Variants in ZNF738 observed in about 807,000 individuals in gnomAD.
The protein encoded by ZNF738 is protein ZNF738.
ZNF738 carries 10 observed loss-of-function variants against 9.2 expected under a neutral mutation model. The observed-to-expected ratio is 1.09, with a 90% CI of 0.67 to 1.85. The LOEUF (loss-of-function observed/expected upper bound fraction) is 1.85, where lower values mean the gene tolerates loss of function less well. Ranked by LOEUF, ZNF738 falls within the 40% of genes most tolerant of loss-of-function variation. The probability of loss-of-function intolerance (pLI) is 0.00; values close to 1 mark genes in which losing one functional copy is unlikely to be tolerated. For synonymous variants in ZNF738, 113 were observed against 94.5 expected, an observed-to-expected ratio of 1.20 and a Z score of -1.14; for missense variants, 346 against 283.6, an observed-to-expected ratio of 1.22 and a Z score of -1.58.
In ZNF738 at chr19:21,387,829, G is replaced by A. The variant is rs1042732956; in HGVS notation, c.*4155G>A. ...AATCAAATTTTATTGTACACATTTT[G>A]TACTAGAGGAAAACTCTGAAGCAGT... is the stretch of plus-strand genomic sequence containing the variant. On this transcript the variant is annotated 3_prime_UTR_variant, in exon 5 of 5. Transcript: ENST00000683779. Among the ~76,000 whole-genome samples, 2 of 152,112 alleles carry A rather than the reference G, an allele frequency of 1.3e-5. No homozygotes were observed. Among genetic ancestry groups the A allele is most frequent in the African/African-American group, 4.8e-5 (2 of 41,428 alleles).
intron 2 of ZNF738, among the ~76,000 whole-genome samples, chr19:21,367,208 C>T (rs1973794559): frequency 6.6e-6 from 1 of 152,198 alleles, no homozygotes; most frequent in African/African-American, 2.4e-5. Context: ...CATCTTTCTA[C>T]ATCTTTTTTT....
At position 21,375,911 on chromosome 19, in the gene ZNF738, A is replaced by G; in HGVS notation, c.266A>G (p.Gln89Arg). ...SKPDLITCLE[Q>R]GKDPWNMKRH... Reference sequence around the variant, plus strand: ...CCAGATCTGATCACCTGTCTGGAGCAAGGAAAAGATCCCTGGAATATGAAG... The same window carrying G: ...CCAGATCTGATCACCTGTCTGGAGCGAGGAAAAGATCCCTGGAATATGAAG... The change falls in exon 4 of 5, where the codon CAA becomes CGA. Residue 89 changes from glutamine (Q) to arginine (R), a missense_variant. Physicochemically the swap from Gln to Arg is conservative, Grantham distance 43. Transcript: ENST00000683779. The G allele has an allele frequency of 1.3e-6, 1 of 798,614 alleles. No homozygotes were observed. Among genetic ancestry groups the G allele is most frequent in the Non-Finnish European group, 2.3e-6 (1 of 436,412 alleles). The allele number at this position is 798,614 out of a possible 1,614,324, so 49.5% of individuals were successfully genotyped here.
Position 21,388,304 on chromosome 19 carries a change from A to G in ZNF738, c.*4630A>G, listed in dbSNP as rs1217362323. On this transcript the variant is annotated 3_prime_UTR_variant, in exon 5 of 5. Coordinates refer to ENST00000683779, the MANE Select transcript of ZNF738 (RefSeq NM_001355237.2). ...TTCATTCTTATTCACTTGTGAAAGC[A>G]TGTGATAATTGTTGCATCAAAGGTA... 6.6e-6 allele frequency among the ~76,000 whole-genome samples: 1 copy of G among 152,152 alleles called. No individual in the cohort carries two copies. Among genetic ancestry groups the G allele is most frequent in the Non-Finnish European group, 1.5e-5 (1 of 68,002 alleles).
intron 2 of ZNF738, among the ~76,000 whole-genome samples, chr19:21,370,673 T>C (rs1311908724): frequency 6.6e-6 from 1 of 152,226 alleles, no homozygotes; most frequent in East Asian, 1.9e-4. Context: ...AAGTCTCTAC[T>C]TATATTCATG....
At position 21,368,067 on chromosome 19, in the gene ZNF738, T is replaced by C. The variant is rs150415641; in HGVS notation, c.96+6209T>C. ...CAGAACAAACAGTTCTTTCCAGTTA[T>C]ATTGCACTCTTCTGCACGCATGGGT... On this transcript the variant is annotated intron_variant, in intron 2 of 4. Transcript: ENST00000683779. Among the ~76,000 whole-genome samples, 222 of 152,364 alleles carry C rather than the reference T, an allele frequency of 1.5e-3. 3 individuals are homozygous for C. In the East Asian group the frequency reaches 0.029, roughly 20 times the overall value.
intron 2 of ZNF738, among the ~76,000 whole-genome samples, chr19:21,368,228 T>C (rs1338604827): frequency 6.6e-6 from 1 of 152,248 alleles, no homozygotes; most frequent in Non-Finnish European, 1.5e-5. Context: ...TATTTTTTTC[T>C]GATCCTCTTT....
At chr19:21,359,746 G>A (rs1315901373) in intron 1 of ZNF738, among the ~76,000 whole-genome samples, 2 of 151,796 alleles carry the variant, frequency 1.3e-5, no homozygotes, top group African/African-American at 4.8e-5. Flanking sequence ...GCGTGGTGGC[G>A]GGCGCCTGTA....
intron 2 of ZNF738, among the ~76,000 whole-genome samples, chr19:21,374,844 A>C (rs552144516): frequency 1.4e-4 from 22 of 152,302 alleles, no homozygotes; most frequent in African/African-American, 4.8e-4. Context: ...AAAAATCTGC[A>C]TAAGATCTCC....
chr19:21,377,530 A>G, intron 4 of ZNF738: 1 of 567,592 alleles, frequency 1.8e-6, no homozygotes, highest in South Asian at 2.2e-5. Flanking sequence ...ACACACACAC[A>G]CACAAAATTT....
At chr19:21,363,870 C>CAG (rs71176861) in intron 2 of ZNF738, among the ~76,000 whole-genome samples, 83,249 of 145,040 alleles carry the variant, frequency 0.57, 23,966 homozygotes, top group Middle Eastern at 0.7. Flanking sequence ...GACTGGGTGA[C>CAG]AGTGAGACTC....
chr19:21,377,426 G>A, intron 4 of ZNF738: 2 of 706,314 alleles, frequency 2.8e-6, no homozygotes, highest in Non-Finnish European at 5.2e-6. Flanking sequence ...TAATTATATT[G>A]CTGTCTAGGT....
intron 2 of ZNF738, among the ~76,000 whole-genome samples, chr19:21,367,720 A>G (rs1478001748): frequency 1.3e-5 from 2 of 152,154 alleles, no homozygotes; most frequent in African/African-American, 2.4e-5. Context: ...AGGAGATCTA[A>G]TGACAGACCC....
At chr19:21,363,264 G>A (rs546503578) in intron 2 of ZNF738, among the ~76,000 whole-genome samples, 70 of 152,186 alleles carry the variant, frequency 4.6e-4, no homozygotes, top group Admixed American at 9.2e-4. Flanking sequence ...AAACAACTTA[G>A]TTTCAAAAAC....
Position 21,385,471 on chromosome 19 carries a change from A to G in ZNF738, c.*1797A>G, listed in dbSNP as rs745597668. Reference sequence around the variant, plus strand: ...ACTCTATCTCCAAAAAAATAAATAAATAAATAAAAAAAATAAGAGAGTTCA... The same window carrying G: ...ACTCTATCTCCAAAAAAATAAATAAGTAAATAAAAAAAATAAGAGAGTTCA... On this transcript the variant is annotated 3_prime_UTR_variant, in exon 5 of 5. Coordinates refer to ENST00000683779, the MANE Select transcript of ZNF738 (RefSeq NM_001355237.2). Among the ~76,000 whole-genome samples, 8 of 151,724 alleles carry G rather than the reference A, an allele frequency of 5.3e-5. No homozygotes were observed. Among genetic ancestry groups the G allele is most frequent in the Non-Finnish European group, 8.8e-5 (6 of 67,906 alleles).
At chr19:21,380,416 C>A (rs1177908228) in intron 4 of ZNF738, among the ~76,000 whole-genome samples, 2 of 152,158 alleles carry the variant, frequency 1.3e-5, no homozygotes, top group African/African-American at 4.8e-5. Context: ...GTAGAGTCCC[C>A]ACTCTCCCCT....
At chr19:21,374,510 G>A (rs1446806244) in intron 2 of ZNF738, among the ~76,000 whole-genome samples, 2 of 152,062 alleles carry the variant, frequency 1.3e-5, no homozygotes, top group African/African-American at 2.4e-5. Context: ...AAGAGCTCTT[G>A]GAAATATTCA....
chr19:21,377,162 C>T (rs2145235912), intron 4 of ZNF738, among the ~76,000 whole-genome samples: 1 of 152,048 alleles, frequency 6.6e-6, no homozygotes, highest in Admixed American at 6.6e-5. Flanking sequence ...ACAAAATTAG[C>T]CAGGTATGGC....
In ZNF738 at chr19:21,383,153, C is replaced by A. The variant is rs1003978768; in HGVS notation, c.607C>A (p.Pro203Thr). 8.8e-6 allele frequency: 14 copies of A among 1,597,442 alleles called. No homozygotes were observed. The highest frequency in any genetic ancestry group is 1.0e-5 in the Non-Finnish European group (12 of 1,166,634). ...TAAGACAAGACATACTGGAAAGAAA[C>A]CTTTCAAATGTAAAAAATGTGGCAA... ...THKTRHTGKK[P>T]FKCKKCGKSF... Residue 203 changes from proline (P) to threonine (T), a missense_variant, in exon 5 of 5, where the codon CCT becomes ACT. Coordinates refer to ENST00000683779, the MANE Select transcript of ZNF738 (RefSeq NM_001355237.2).
rs1158574619 is a variant in ZNF738 at position 21,383,077 on chromosome 19, A to C, written c.531A>C (p.Gln177His). 1 of 1,314,878 alleles carries C rather than the reference A, an allele frequency of 7.6e-7. No homozygotes were observed. Among genetic ancestry groups the C allele is most frequent in the East Asian group, 2.3e-5 (1 of 42,776 alleles). The allele number at this position is 1,314,878 out of a possible 1,614,324, so 81.5% of individuals were successfully genotyped here. Residue 177 changes from glutamine to histidine, a missense_variant, in exon 5 of 5, where the codon CAA (glutamine) becomes CAC (histidine). Physicochemically the swap from Gln to His is conservative, Grantham distance 24 (BLOSUM62 0). Coordinates refer to ENST00000683779, the MANE Select transcript of ZNF738 (RefSeq NM_001355237.2). ...YLTTTQSKIFQCDKYVKVFHK... is the reference protein window; with the variant it reads ...YLTTTQSKIFHCDKYVKVFHK... ...CAACTACCCAGAGCAAAATATTTCA[A>C]TGTGATAAATATGTGAAAGTCTTTC...
Sources: gnomAD v4.1 joint callset for allele counts (sites outside exome capture counted in the v4.1 genomes callset) on GRCh38, gnomAD v4.1.1 for gene constraint, MANE v1.5 for transcripts, NCBI Gene and HGNC (gene_info 2026-07-23, HGNC 2026-07-21) for gene names.